Variants in ULK4 observed in about 807,000 individuals in gnomAD.
ULK4 encodes inactive serine/threonine-protein kinase ULK4.
ULK4 carries 133 observed loss-of-function variants against 160.6 expected under a neutral mutation model. The observed-to-expected ratio is 0.83, with a 90% CI of 0.72 to 0.96. The LOEUF is 0.96. Ranked by LOEUF, ULK4 falls within the 40% of genes least tolerant of loss-of-function variation. The pLI, the probability that ULK4 is intolerant of heterozygous loss-of-function variation, is 0.00. For synonymous variants in ULK4, 534 were observed against 539.8 expected (o/e 0.99, Z 0.15); for missense variants, 1,580 against 1,499.5 (o/e 1.05, Z -0.89).
intron 35 of ULK4, among the ~76,000 whole-genome samples, chr3:41,393,654 G>T (rs1281467033): frequency 6.6e-6 from 1 of 152,124 alleles, no homozygotes; most frequent in Non-Finnish European, 1.5e-5. Context: ...CTGAGGGCAG[G>T]GAGCAGCAAG....
intron 35 of ULK4, among the ~76,000 whole-genome samples, chr3:41,346,731 A>G (rs1396990526): frequency 6.6e-6 from 1 of 152,252 alleles, no homozygotes; most frequent in East Asian, 1.9e-4. Context: ...TGCTGTGGAA[A>G]ATAAGTCTGA....
At chr3:41,385,828 G>C (rs2081795495) in intron 35 of ULK4, among the ~76,000 whole-genome samples, 1 of 152,130 alleles carries the variant, frequency 6.6e-6, no homozygotes, top group Admixed American at 6.5e-5. Flanking sequence ...AGTACAAGTA[G>C]TTGACTGGAG....
intron 27 of ULK4, among the ~76,000 whole-genome samples, chr3:41,684,331 A>G (rs2036028241): frequency 6.6e-6 from 1 of 152,228 alleles, no homozygotes; most frequent in South Asian, 2.1e-4. Flanking sequence ...CTCAAGGTCT[A>G]TGACCCCTAT....
At position 41,412,553 on chromosome 3, in the gene ULK4, A is replaced by ATTTTTTTTTTTTTTT. The variant is rs57224854; in HGVS notation, c.3493-14304_3493-14290dup. 9.7e-3 allele frequency among the ~76,000 whole-genome samples: 975 copies of ATTTTTTTTTTTTTTT among 100,348 alleles called. 83 individuals carry two copies. Among genetic ancestry groups the ATTTTTTTTTTTTTTT allele is most frequent in the Non-Finnish European group, 0.015 (767 of 50,680 alleles). 65.8% of individuals were successfully genotyped at this position (100,348 alleles called of 152,430 possible). ...TAAAGGTCAATGGCAATGCAGTTGA[A>ATTTTTTTTTTTTTTT]TTTTTTTTTTTTTTTTTTTTTTTTT... On this transcript the variant is annotated intron_variant, in intron 34 of 36. Coordinates refer to ENST00000301831, the MANE Select transcript of ULK4 (RefSeq NM_017886.4).
In ULK4 at chr3:41,919,927, CG is replaced by C. The variant is rs1184050430; in HGVS notation, c.542-110del. The C allele has an allele frequency of 1.2e-5, 7 of 579,184 alleles. No homozygotes were observed. In the East Asian group the frequency reaches 1.6e-4, roughly 13 times the overall value. 35.9% of individuals were successfully genotyped at this position (579,184 alleles called of 1,614,324 possible). ...TGAAAAAGGGCAGGAGAAAAACATGCGCATGAATAAAACTTCATGTGCATTT... is the reference window on the plus strand; with the variant it reads ...TGAAAAAGGGCAGGAGAAAAACATGCCATGAATAAAACTTCATGTGCATTT... On this transcript the variant is annotated intron_variant, in intron 5 of 36. Coordinates refer to ENST00000301831, the MANE Select transcript of ULK4 (RefSeq NM_017886.4).
At chr3:41,435,587 TAC>T (rs1559599729) in intron 34 of ULK4, among the ~76,000 whole-genome samples, 2 of 152,210 alleles carry the variant, frequency 1.3e-5, no homozygotes, top group Non-Finnish European at 2.9e-5. Context: ...TGCATACAAT[TAC>T]TTTTGGACCC....
chr3:41,788,349 C>G (rs962116038), intron 21 of ULK4, among the ~76,000 whole-genome samples: 54 of 152,252 alleles, frequency 3.5e-4, no homozygotes, highest in African/African-American at 1.3e-3. Context: ...CACTTCTAAG[C>G]AGTGTTACCT....
intron 32 of ULK4, among the ~76,000 whole-genome samples, chr3:41,517,816 G>A (rs1025550461): frequency 3.9e-5 from 6 of 152,164 alleles, no homozygotes; most frequent in African/African-American, 1.4e-4. Flanking sequence ...CACTGGCCTA[G>A]TTTTTGTCAT....
At chr3:41,722,532 G>A (rs2037510000) in intron 22 of ULK4, among the ~76,000 whole-genome samples, 1 of 152,178 alleles carries the variant, frequency 6.6e-6, no homozygotes. Flanking sequence ...CCGGGAGGCT[G>A]AGGCAGGAGA....
At chr3:41,743,623 T>C (rs2038317471) in intron 22 of ULK4, among the ~76,000 whole-genome samples, 1 of 151,982 alleles carries the variant, frequency 6.6e-6, no homozygotes. Flanking sequence ...TATAACACCA[T>C]CTGATAAACT....
intron 35 of ULK4, among the ~76,000 whole-genome samples, chr3:41,325,886 T>C (rs2125735399): frequency 6.6e-6 from 1 of 151,972 alleles, no homozygotes; most frequent in South Asian, 2.1e-4. Context: ...ACCACTGCAC[T>C]CCAGCCTGGG....
intron 2 of ULK4, among the ~76,000 whole-genome samples, chr3:41,949,630 A>T (rs938870264): frequency 6.6e-6 from 1 of 151,170 alleles, no homozygotes; most frequent in Admixed American, 6.6e-5. Flanking sequence ...ACAGGGTTTC[A>T]CCATGTTGGC....
chr3:41,365,557 C>A (rs1181534793), intron 35 of ULK4, among the ~76,000 whole-genome samples: 1 of 152,182 alleles, frequency 6.6e-6, no homozygotes, highest in Non-Finnish European at 1.5e-5. Flanking sequence ...AAGCACTTTG[C>A]TTACACTATA....
chr3:41,318,409 T>C (rs2080186988), intron 35 of ULK4, among the ~76,000 whole-genome samples: 1 of 152,186 alleles, frequency 6.6e-6, no homozygotes, highest in Non-Finnish European at 1.5e-5. Flanking sequence ...GATTTGGGTT[T>C]AAATTCAGTA....
At chr3:41,401,484 G>A (rs1408531972) in intron 34 of ULK4, among the ~76,000 whole-genome samples, 1 of 152,104 alleles carries the variant, frequency 6.6e-6, no homozygotes, top group Non-Finnish European at 1.5e-5. Flanking sequence ...GAACCAAGGG[G>A]CTCCATAATC....
rs974620963 is a variant in ULK4 at position 41,789,847 on chromosome 3, C to G, written c.2011-4G>C. The G allele has an allele frequency of 1.3e-6, 2 of 1,599,944 alleles. No homozygotes were observed. Among genetic ancestry groups the G allele is most frequent in the Non-Finnish European group, 1.7e-6 (2 of 1,173,564 alleles). On this transcript the variant is annotated splice_polypyrimidine_tract_variant and splice_region_variant and intron_variant, in intron 20 of 36. Coordinates refer to ENST00000301831, the MANE Select transcript of ULK4 (RefSeq NM_017886.4). ...GGCGAGTGATTCTACACAAGGCCTACAAAGACAAGAGAACAGACCTGTCAG... is the reference window on the plus strand; with the variant it reads ...GGCGAGTGATTCTACACAAGGCCTAGAAAGACAAGAGAACAGACCTGTCAG...
intron 30 of ULK4, among the ~76,000 whole-genome samples, chr3:41,657,310 T>C (rs982500625): frequency 1.3e-5 from 2 of 152,182 alleles, no homozygotes; most frequent in Non-Finnish European, 2.9e-5. Flanking sequence ...CCACTTAACA[T>C]AGGATGGTTT....
intron 35 of ULK4, among the ~76,000 whole-genome samples, chr3:41,346,567 A>AGAGG (rs1341863887): frequency 6.6e-6 from 1 of 152,202 alleles, no homozygotes; most frequent in Non-Finnish European, 1.5e-5. Flanking sequence ...AGGAACGGAC[A>AGAGG]GAGGGAGGGA....
chr3:41,835,974 GC>G lies in ULK4; in HGVS notation c.1657-4del. 1.3e-6 allele frequency: 2 copies of G among 1,494,918 alleles called. No individual in the cohort carries two copies. Among genetic ancestry groups the G allele is most frequent in the Admixed American group, 2.0e-5 (1 of 50,468 alleles). 92.6% of individuals were successfully genotyped at this position (1,494,918 alleles called of 1,614,324 possible). On this transcript the variant is annotated splice_polypyrimidine_tract_variant and splice_region_variant and intron_variant, in intron 17 of 36. Transcript: ENST00000301831. The stretch of plus-strand genomic sequence containing the variant: ...AATTCAGTTAAGAGAACAATTGCCT[GC>G]AAAGACAAAAAAAAAAAAAGTAAAT...
Sources: gnomAD v4.1 joint callset for allele counts (sites outside exome capture counted in the v4.1 genomes callset) on GRCh38, gnomAD v4.1.1 for gene constraint, MANE v1.5 for transcripts, NCBI Gene and HGNC (gene_info 2026-07-23, HGNC 2026-07-21) for gene names.